The following MORC4 variants were observed in gnomAD, a reference collection of about 807,000 sequenced individuals.
The protein encoded by MORC4 is MORC family CW-type zinc finger 4.
A neutral mutation model predicts 65.5 loss-of-function variants in MORC4; 22 were observed. The ratio of observed to expected loss-of-function variants is 0.34; its 90% CI spans 0.24 to 0.48. The LOEUF (loss-of-function observed/expected upper bound fraction) is 0.48. MORC4 is among the 20% of genes least tolerant of loss of function. The probability of loss-of-function intolerance (pLI) is 0.99; values close to 1 mark genes in which losing one functional copy is unlikely to be tolerated. For synonymous variants in MORC4, 267 were observed against 255.8 expected (o/e 1.04, Z -0.42); for missense variants, 624 against 703.0 (o/e 0.89, Z 1.27).
At chrX:106,943,250 T>G in intron 14 of MORC4, 45 bp from the exon 15 acceptor site, 1 of 1,050,394 alleles carries the variant, frequency 9.5e-7, no homozygotes. Flanking sequence ...GAGTACAAGT[T>G]AAGTATTTTC....
intron 9 of MORC4, among the ~76,000 whole-genome samples, chrX:106,964,710 A>G (rs1472989683): frequency 8.9e-6 from 1 of 112,308 alleles, no homozygotes; most frequent in East Asian, 2.8e-4. Flanking sequence ...AAGAGAATAC[A>G]TTTAAAAGAA....
chrX:106,989,803 G>A (rs1268633349), intron 3 of MORC4, among the ~76,000 whole-genome samples: 1 of 104,234 alleles, frequency 9.6e-6, no homozygotes, highest in Non-Finnish European at 2.0e-5. Flanking sequence ...GGAGGCGGAG[G>A]TTGCAGTGAG....
intron 9 of MORC4, 53 bp downstream of exon 9, chrX:106,976,531 A>C: frequency 1.3e-6 from 1 of 799,202 alleles, no homozygotes; most frequent in Non-Finnish European, 1.9e-6. Flanking sequence ...TTTAGAGAAC[A>C]GAATCATATC....
chrX:106,968,827 T>C (rs1934437695), intron 9 of MORC4, among the ~76,000 whole-genome samples: 1 of 110,474 alleles, frequency 9.1e-6, no homozygotes, highest in Admixed American at 9.7e-5. Flanking sequence ...CCCAGATTCA[T>C]AAAGCAAGTT....
rs149629677 is a variant in MORC4, at chrX:106,977,744, T to C, written c.1056+336A>G. Among the ~76,000 whole-genome samples, 557 of 111,605 alleles carry C rather than the reference T, an allele frequency of 5.0e-3. 10 individuals carry two copies. In the East Asian group the frequency reaches 0.078, roughly 16 times the overall value. On this transcript the variant is annotated intron_variant, in intron 8 of 16. Transcript: ENST00000355610. Reference sequence around the variant, plus strand: ...ACCATATTTTATATGCCTTCCACTATGCCTTATTGTCTCTCCAAGAAAATG... The same window carrying C: ...ACCATATTTTATATGCCTTCCACTACGCCTTATTGTCTCTCCAAGAAAATG...
chrX:106,957,483 A>G (rs1471364311), intron 11 of MORC4, among the ~76,000 whole-genome samples: 1 of 111,419 alleles, frequency 9.0e-6, no homozygotes, highest in African/African-American at 3.3e-5. Context: ...AACTTCTTCA[A>G]TTTTAGACAT....
At chrX:106,949,598 C>T (rs906967335) in intron 14 of MORC4, among the ~76,000 whole-genome samples, 4 of 112,439 alleles carry the variant, frequency 3.6e-5, no homozygotes, top group African/African-American at 1.3e-4. Context: ...CTATGCAGTC[C>T]ATTTCCCCTG....
At chrX:106,972,328 C>A (rs991925714) in intron 9 of MORC4, among the ~76,000 whole-genome samples, 3 of 110,045 alleles carry the variant, frequency 2.7e-5, no homozygotes, top group Non-Finnish European at 5.7e-5. Flanking sequence ...GGGTGGGAAG[C>A]TAGGGGAGGG....
intron 7 of MORC4, among the ~76,000 whole-genome samples, chrX:106,979,319 C>T (rs915595581): frequency 7.2e-5 from 8 of 110,709 alleles, no homozygotes; most frequent in African/African-American, 9.8e-5. Flanking sequence ...CCTATTCTAA[C>T]GCAAAAACAA....
intron 2 of MORC4, among the ~76,000 whole-genome samples, chrX:106,993,965 A>C (rs1376335465): frequency 1.8e-5 from 2 of 112,530 alleles, no homozygotes; most frequent in Non-Finnish European, 3.8e-5. Flanking sequence ...CAGTGATGGT[A>C]GCAAGCATAC....
At chrX:106,983,225 A>G (rs1203293803) in intron 5 of MORC4, among the ~76,000 whole-genome samples, 2 of 112,245 alleles carry the variant, frequency 1.8e-5, no homozygotes, top group African/African-American at 6.5e-5. Flanking sequence ...ACATACAAAG[A>G]AAAAGTTCTG....
At chrX:106,960,005 A>C (rs867893049) in intron 10 of MORC4, among the ~76,000 whole-genome samples, 14 of 112,494 alleles carry the variant, frequency 1.2e-4, no homozygotes, top group African/African-American at 3.9e-4. Context: ...AAGTTTGTAC[A>C]CATTTTTGGA....
intron 5 of MORC4, among the ~76,000 whole-genome samples, chrX:106,984,697 G>A (rs1477093825): frequency 3.7e-5 from 4 of 106,935 alleles, no homozygotes; most frequent in Admixed American, 1.0e-4. Context: ...GAGAGGTCTC[G>A]ATCTCTCAAC....
chrX:106,956,269 A>G (rs1215831111), intron 13 of MORC4, among the ~76,000 whole-genome samples: 2 of 112,468 alleles, frequency 1.8e-5, no homozygotes, highest in Non-Finnish European at 3.8e-5. Context: ...CAAATCTGGA[A>G]GATAAACGAT....
chrX:106,969,943 T>C (rs1379003506), intron 9 of MORC4, among the ~76,000 whole-genome samples: 7 of 111,285 alleles, frequency 6.3e-5, no homozygotes, highest in South Asian at 3.8e-4. Context: ...TTCCAATCAA[T>C]AGAAAAAGAG....
chrX:106,978,032 T>C, intron 8 of MORC4, 48 bp downstream of exon 8: 2 of 1,197,088 alleles, frequency 1.7e-6, no homozygotes, highest in Non-Finnish European at 2.3e-6. Context: ...TTAAATTCTC[T>C]TCCTACTCTT....
Position 106,985,983 on chromosome X carries a change from T to C in MORC4, c.526A>G (p.Lys176Glu). The stretch of plus-strand genomic sequence containing the variant: ...CATTCTCCATTTCCAGAAAGGATAT[T>C]GTTTTGCTGGTTGAATGGAACAATT... ...VPIVPFNQQN[K>E]KMIITEDSLP... Residue 176 changes from lysine to glutamate, a missense_variant and splice_region_variant, in exon 4 of 17, where the codon AAA becomes GAA. By Grantham distance (56) the Lys-to-Glu change is moderately conservative. Coordinates refer to ENST00000355610, the MANE Select transcript of MORC4 (RefSeq NM_024657.5). The C allele has an allele frequency of 8.3e-7, 1 of 1,197,919 alleles. No homozygotes were observed.
intron 9 of MORC4, 91 bp downstream of exon 9, chrX:106,976,493 G>T: frequency 4.0e-6 from 2 of 499,867 alleles, no homozygotes; most frequent in Non-Finnish European, 6.7e-6. Flanking sequence ...AACTTATTTA[G>T]CTGCTTTTTA....
intron 7 of MORC4, among the ~76,000 whole-genome samples, chrX:106,979,462 A>AGT (rs1934696088): frequency 9.0e-6 from 1 of 111,169 alleles, no homozygotes; most frequent in African/African-American, 3.3e-5. Flanking sequence ...GTGAGGGTAC[A>AGT]GTGGGGTAGG....
Sources: gnomAD v4.1 joint callset for allele counts (sites outside exome capture counted in the v4.1 genomes callset) on GRCh38, gnomAD v4.1.1 for gene constraint, MANE v1.5 for transcripts, NCBI Gene and HGNC (gene_info 2026-07-23, HGNC 2026-07-21) for gene names.